Variants in DPPA2 observed in about 807,000 individuals in gnomAD.
The protein encoded by DPPA2 is developmental pluripotency-associated protein 2.
Under a neutral mutation model 36.2 loss-of-function variants are expected in DPPA2, and 26 were observed. The ratio of observed to expected loss-of-function variants is 0.72; its 90% CI spans 0.53 to 1.00. The LOEUF is 1.00. DPPA2 is among the 50% of genes least tolerant of loss of function. DPPA2 has a pLI of 0.00. For synonymous variants in DPPA2, 113 were observed against 123.2 expected (o/e 0.92, Z 0.55); for missense variants, 361 against 365.1 (o/e 0.99, Z 0.09).
In DPPA2 at chr3:109,309,315, G is replaced by A; in HGVS notation, c.197C>T (p.Thr66Ile). ...TTGTGGAGCTGTAAATTGCTCATTT[G>A]TTTGAAGTAGATGACCTAAGACAAG... ...KKYNPGHLLQ[T>I]NEQFTAPQKA... The change falls in exon 4 of 9, where the codon ACA becomes ATA. Residue 66 changes from threonine to isoleucine, a missense_variant. By Grantham distance (89) the Thr-to-Ile change is moderately conservative. Transcript: ENST00000478945. The A allele has an allele frequency of 1.9e-6, 3 of 1,614,046 alleles. No homozygotes were observed. The highest frequency in any genetic ancestry group is 2.5e-6 in the Non-Finnish European group (3 of 1,179,934).
At chr3:109,314,425 G>A in intron 2 of DPPA2, 85 bp downstream of exon 2, 2 of 1,364,938 alleles carry the variant, frequency 1.5e-6, no homozygotes, top group Admixed American at 4.1e-5. Context: ...ATGAAGATTT[G>A]TGGTAAAAGA....
At chr3:109,302,965 G>C (rs1360289905) in intron 7 of DPPA2, among the ~76,000 whole-genome samples, 1 of 152,046 alleles carries the variant, frequency 6.6e-6, no homozygotes, top group Non-Finnish European at 1.5e-5. Context: ...AAAGTTACTG[G>C]GAGATGATGA....
chr3:109,310,566 C>T (rs534304802), intron 3 of DPPA2, among the ~76,000 whole-genome samples: 15 of 148,774 alleles, frequency 1.0e-4, no homozygotes, highest in Admixed American at 2.7e-4. Context: ...AGTGCAGTGG[C>T]GCGATCTCAG....
At chr3:109,295,037 C>A (rs1247851591) in intron 8 of DPPA2, among the ~76,000 whole-genome samples, 5 of 151,932 alleles carry the variant, frequency 3.3e-5, no homozygotes, top group Non-Finnish European at 5.9e-5. Flanking sequence ...AAACAAAAAA[C>A]CAAAAAACTG....
intron 3 of DPPA2, among the ~76,000 whole-genome samples, chr3:109,310,060 TA>T (rs200274328): frequency 2.4e-4 from 34 of 143,234 alleles, no homozygotes; most frequent in East Asian, 2.2e-3. Flanking sequence ...CTGTCTCTAC[TA>T]AAAAAAAAAA....
intron 8 of DPPA2, among the ~76,000 whole-genome samples, chr3:109,299,392 C>T (rs1014878386): frequency 6.6e-6 from 1 of 151,990 alleles, no homozygotes; most frequent in African/African-American, 2.4e-5. Context: ...TGCCTGTAAT[C>T]CCAGCTACTC....
chr3:109,300,650 TG>T (rs1345985800), intron 7 of DPPA2, among the ~76,000 whole-genome samples: 3 of 151,798 alleles, frequency 2.0e-5, no homozygotes, highest in Non-Finnish European at 4.4e-5. Context: ...GGTGAAACCC[TG>T]TGTCTGCTAA....
intron 7 of DPPA2, among the ~76,000 whole-genome samples, chr3:109,301,736 G>A (rs1316205320): frequency 6.6e-6 from 1 of 152,034 alleles, no homozygotes; most frequent in African/African-American, 2.4e-5. Flanking sequence ...GTCAGTGAGG[G>A]AGGGAAAAAA....
chr3:109,315,094 A>T (rs1707767999), intron 1 of DPPA2, among the ~76,000 whole-genome samples: 1 of 152,234 alleles, frequency 6.6e-6, no homozygotes, highest in African/African-American at 2.4e-5. Context: ...AAAAAAAAAT[A>T]GGTGAAACTT....
intron 8 of DPPA2, chr3:109,295,118 A>C (rs1707329148): frequency 6.6e-6 from 1 of 152,214 alleles, no homozygotes; most frequent in Admixed American, 6.5e-5. Flanking sequence ...TGAGAACTCC[A>C]TTATTTGATC....
chr3:109,295,284 CTG>C (rs1267891626), intron 8 of DPPA2: 1 of 151,524 alleles, frequency 6.6e-6, no homozygotes, highest in Non-Finnish European at 1.5e-5. Flanking sequence ...CTTTGGGAGG[CTG>C]AGGCAGGCAG....
chr3:109,308,013 A>G lies in DPPA2; in HGVS notation c.658+19T>C, dbSNP rs1307438566. On this transcript the variant is annotated intron_variant, in intron 6 of 8. Coordinates refer to ENST00000478945, the MANE Select transcript of DPPA2 (RefSeq NM_138815.4). ...CCTTGTCCTCTGGAGTGGGACTCAC[A>G]CTTTAAGGTTGATCTTACCAGAGGC... 5 of 1,608,830 alleles carry G rather than the reference A, an allele frequency of 3.1e-6. No individual in the cohort carries two copies. In the Admixed American group the frequency reaches 8.4e-5, roughly 27 times the overall value.
At chr3:109,316,185 C>T (rs970549529) in intron 1 of DPPA2, 99 bp downstream of exon 1, 1 of 152,410 alleles carries the variant, frequency 6.6e-6, no homozygotes, top group Non-Finnish European at 1.5e-5. Context: ...CAGCCCATGC[C>T]GTCCCACCCC....
intron 7 of DPPA2, among the ~76,000 whole-genome samples, chr3:109,303,239 T>C (rs1367334322): frequency 6.6e-6 from 1 of 152,014 alleles, no homozygotes; most frequent in Non-Finnish European, 1.5e-5. Flanking sequence ...ATCATATTTT[T>C]TATTTCCCTG....
intron 8 of DPPA2, among the ~76,000 whole-genome samples, chr3:109,296,364 T>C (rs1707350895): frequency 6.6e-6 from 1 of 151,778 alleles, no homozygotes; most frequent in Non-Finnish European, 1.5e-5. Flanking sequence ...AAGAAGAGAG[T>C]AAAGTGATAT....
At chr3:109,304,048 G>A (rs1400364446) in intron 7 of DPPA2, among the ~76,000 whole-genome samples, 1 of 152,054 alleles carries the variant, frequency 6.6e-6, no homozygotes, top group Non-Finnish European at 1.5e-5. Flanking sequence ...GAGGCGGGCG[G>A]ATCATGAGGT....
chr3:109,294,124 A>G (rs1400389517), intron 8 of DPPA2, 120 bp from the exon 9 acceptor site: 1 of 152,224 alleles, frequency 6.6e-6, no homozygotes, highest in African/African-American at 2.4e-5. Flanking sequence ...AACAAACGTA[A>G]CTTTTAATAG....
chr3:109,301,964 C>T (rs574623959), intron 7 of DPPA2, among the ~76,000 whole-genome samples: 26 of 152,268 alleles, frequency 1.7e-4, no homozygotes, highest in Admixed American at 8.5e-4. Flanking sequence ...CAGCAGTGTC[C>T]TAAACAGCCA....
At chr3:109,314,910 A>G (rs1347109535) in intron 1 of DPPA2, among the ~76,000 whole-genome samples, 3 of 152,140 alleles carry the variant, frequency 2.0e-5, no homozygotes, top group African/African-American at 4.8e-5. Context: ...ACAAAAAAAC[A>G]CAAAAATTAG....
Sources: allele counts gnomAD v4.1 joint callset (sites outside exome capture counted in the v4.1 genomes callset), GRCh38; gene constraint gnomAD v4.1.1; transcripts MANE v1.5; gene names NCBI Gene and HGNC (gene_info 2026-07-23, HGNC 2026-07-21).